TTC3: variants seen among roughly 807,000 people sequenced by gnomAD.
TTC3 encodes the protein tetratricopeptide repeat domain 3.
Under a neutral mutation model 249.6 loss-of-function variants are expected in TTC3, and 180 were observed. That is an observed-to-expected ratio of 0.72 (90% CI 0.64 to 0.82). The LOEUF (loss-of-function observed/expected upper bound fraction) is 0.82. Among genes scored for constraint, TTC3 ranks in the 40% least tolerant of loss-of-function variants. The pLI, the probability that TTC3 is intolerant of heterozygous loss-of-function variation, is 0.00. For missense variants in TTC3, 2,061 were observed against 2,398.4 expected, an observed-to-expected ratio of 0.86 and a Z score of 2.94; for synonymous variants, 717 against 805.0, an observed-to-expected ratio of 0.89 and a Z score of 1.85.
intron 1 of TTC3, among the ~76,000 whole-genome samples, chr21:37,080,018 A>G (rs1358654625): frequency 1.3e-5 from 2 of 151,730 alleles, no homozygotes; most frequent in African/African-American, 4.8e-5. Flanking sequence ...TTTTTATTTC[A>G]TTGATCTTTT....
intron 34 of TTC3, 76 bp downstream of exon 34, chr21:37,167,696 C>T (rs1158713540): frequency 8.5e-7 from 1 of 1,170,888 alleles, no homozygotes; most frequent in South Asian, 1.4e-5. Flanking sequence ...TGAACTAGAA[C>T]TATTTTGGAG....
intron 44 of TTC3, among the ~76,000 whole-genome samples, chr21:37,199,319 A>T (rs1037419910): frequency 6.6e-6 from 1 of 152,140 alleles, no homozygotes; most frequent in East Asian, 1.9e-4. Context: ...CCCAGATGGG[A>T]CTCATTTTGT....
chr21:37,074,742 T>TA (rs1319062942), intron 1 of TTC3, among the ~76,000 whole-genome samples: 1 of 152,210 alleles, frequency 6.6e-6, no homozygotes, highest in African/African-American at 2.4e-5. Flanking sequence ...TCAAACCCCT[T>TA]AGAGACCCAG....
At chr21:37,202,345 T>C (rs941031517) in exon 46 of TTC3, 2 of 152,240 alleles carry the variant, frequency 1.3e-5, no homozygotes, top group African/African-American at 4.8e-5. Context: ...CAGCCCCCGG[T>C]TGGAGCCTGC....
At chr21:37,181,301 TTG>T (rs1468632226) in intron 35 of TTC3, among the ~76,000 whole-genome samples, 5 of 152,358 alleles carry the variant, frequency 3.3e-5, no homozygotes, top group Admixed American at 6.5e-5. Flanking sequence ...CAGCATAACC[TTG>T]TGGTTGCACA....
intron 10 of TTC3, among the ~76,000 whole-genome samples, chr21:37,099,510 C>T (rs533707134): frequency 2.9e-4 from 44 of 151,792 alleles, no homozygotes; most frequent in Admixed American, 1.5e-3. Flanking sequence ...ATGTGAAAGT[C>T]GAAAAAATTA....
At chr21:37,093,903 G>A (rs2835595) in intron 7 of TTC3, 102 bp from the exon 8 acceptor site, 2 of 696,768 alleles carry the variant, frequency 2.9e-6, no homozygotes, top group African/African-American at 1.8e-5. Context: ...ATATAGGACC[G>A]TTGTGGACTC....
intron 1 of TTC3, among the ~76,000 whole-genome samples, chr21:37,079,517 GTTTTTTTTT>G (rs60361476): frequency 7.7e-5 from 7 of 91,230 alleles, no homozygotes; most frequent in Admixed American, 1.3e-4. Context: ...TTATGGTATG[GTTTTTTTTT>G]TTTTTTTTTT....
Position 37,140,675 on chromosome 21 carries a change from T to A in TTC3, c.1772+2T>A, listed in dbSNP as rs2078360370. 6.3e-7 allele frequency: 1 copy of A among 1,589,180 alleles called. No individual in the cohort carries two copies. The highest frequency in any genetic ancestry group is 1.4e-5 in the African/African-American group (1 of 73,692). The stretch of plus-strand genomic sequence containing the variant: ...AAAAGTATATTTGAAAAAAAACAGG[T>A]TAGTAGAAATGACACTACTTTAAGC... On this transcript the variant is annotated splice_donor_variant, in intron 20 of 45. Coordinates refer to ENST00000355666, the Ensembl canonical transcript of TTC3. LOFTEE classifies it high-confidence loss of function.
At chr21:37,167,188 A>G (rs543117077) in intron 33 of TTC3, among the ~76,000 whole-genome samples, 26 of 152,358 alleles carry the variant, frequency 1.7e-4, no homozygotes, top group Admixed American at 7.8e-4. Flanking sequence ...AGAGACAGCC[A>G]GGTAGAAACA....
At chr21:37,105,905 A>G (rs890286361) in intron 10 of TTC3, among the ~76,000 whole-genome samples, 2 of 152,262 alleles carry the variant, frequency 1.3e-5, no homozygotes, top group East Asian at 3.9e-4. Flanking sequence ...TGGCTTTTAC[A>G]GGTAGTATTG....
intron 10 of TTC3, among the ~76,000 whole-genome samples, chr21:37,100,345 T>G (rs1233042260): frequency 6.6e-6 from 1 of 152,038 alleles, no homozygotes; most frequent in African/African-American, 2.4e-5. Context: ...ATGCACATGA[T>G]AAAAGGAACA....
chr21:37,191,774 A>C (rs574437776), intron 40 of TTC3, among the ~76,000 whole-genome samples: 5 of 152,224 alleles, frequency 3.3e-5, no homozygotes, highest in African/African-American at 1.2e-4. Context: ...TTTTTAGTAG[A>C]GATGGGGTCT....
intron 6 of TTC3, 147 bp downstream of exon 6, chr21:37,090,433 A>C: frequency 2.1e-6 from 2 of 940,368 alleles, no homozygotes; most frequent in Non-Finnish European, 2.9e-6. Flanking sequence ...CCTTAAGGAG[A>C]CTCCTCATTT....
chr21:37,074,390 C>T (rs936393717), intron 1 of TTC3, among the ~76,000 whole-genome samples: 1 of 152,202 alleles, frequency 6.6e-6, no homozygotes, highest in African/African-American at 2.4e-5. Context: ...GGTACCAGTG[C>T]GCCGTGCCTT....
At chr21:37,099,389 G>A (rs970852472) in intron 10 of TTC3, among the ~76,000 whole-genome samples, 4 of 152,206 alleles carry the variant, frequency 2.6e-5, no homozygotes, top group African/African-American at 9.7e-5. Context: ...CAAGCAAAGT[G>A]TCTGAGGACA....
chr21:37,187,061 A>G (rs765937934), exon 38 of TTC3: 1 of 1,544,012 alleles, frequency 6.5e-7, no homozygotes, highest in South Asian at 1.3e-5. Context: ...ACACACTTAC[A>G]AATGAGAAAA....
At chr21:37,115,337 G>A (rs1419959675) in intron 11 of TTC3, among the ~76,000 whole-genome samples, 1 of 152,094 alleles carries the variant, frequency 6.6e-6, no homozygotes, top group African/African-American at 2.4e-5. Flanking sequence ...ATGTCATATT[G>A]TCTGAGTCCT....
intron 41 of TTC3, 56 bp from the exon 42 acceptor site, chr21:37,195,619 G>A (rs1454320743): frequency 1.2e-5 from 19 of 1,530,550 alleles, no homozygotes; most frequent in Non-Finnish European, 1.3e-5. Flanking sequence ...GTCCTTGGGC[G>A]TTTCATCCTT....
Sources: gnomAD v4.1 joint callset for allele counts (sites outside exome capture counted in the v4.1 genomes callset) on GRCh38, gnomAD v4.1.1 for gene constraint, MANE v1.5 for transcripts, NCBI Gene and HGNC (gene_info 2026-07-23, HGNC 2026-07-21) for gene names.